Variants in RAB17 observed in about 807,000 individuals in gnomAD.
RAB17 encodes ras-related protein Rab-17.
A neutral mutation model predicts 19.3 loss-of-function variants in RAB17; 15 were observed. That is an observed-to-expected ratio of 0.78 (90% CI 0.52 to 1.20). RAB17 has a LOEUF of 1.20. Among genes scored for constraint, RAB17 ranks in the 50% most tolerant of loss-of-function variants. RAB17 has a pLI of 0.00. For synonymous variants in RAB17, 110 were observed against 112.8 expected, an observed-to-expected ratio of 0.97 and a Z score of 0.16; for missense variants, 262 against 269.3, an observed-to-expected ratio of 0.97 and a Z score of 0.19.
intron 2 of RAB17, among the ~76,000 whole-genome samples, chr2:237,581,762 G>A (rs1195526648): frequency 1.3e-5 from 2 of 152,234 alleles, no homozygotes; most frequent in South Asian, 2.1e-4. Context: ...CGATTTAGAA[G>A]GGAAGTCAGC....
intron 4 of RAB17, chr2:237,576,576 G>C: frequency 2.1e-6 from 1 of 471,112 alleles, no homozygotes. Context: ...TTTCTCTTTG[G>C]GAGGCGCGCC....
intron 4 of RAB17, among the ~76,000 whole-genome samples, chr2:237,576,924 C>G (rs561770772): frequency 6.6e-6 from 1 of 152,162 alleles, no homozygotes; most frequent in Non-Finnish European, 1.5e-5. Flanking sequence ...TTCCCTCTGC[C>G]GGCCACTGGG....
intron 4 of RAB17, among the ~76,000 whole-genome samples, chr2:237,577,016 C>T (rs1208076133): frequency 6.6e-6 from 1 of 151,960 alleles, no homozygotes; most frequent in African/African-American, 2.4e-5. Context: ...AGGTGGAAAG[C>T]TGTGTGTGTG....
In RAB17 at chr2:237,574,443, T is replaced by G. The variant is rs2081244462; in HGVS notation, c.*576A>C. ...GGACAGAAACTCAGCTTCACCACAT[T>G]GCCAGCCGGGAGACCATGGAAGGGA... On this transcript the variant is annotated 3_prime_UTR_variant, in exon 6 of 6. Coordinates refer to ENST00000264601, the MANE Select transcript of RAB17 (RefSeq NM_022449.4). 2 of 1,549,874 alleles carry G rather than the reference T, an allele frequency of 1.3e-6. No individual in the cohort carries two copies. The highest frequency in any genetic ancestry group is 3.9e-5 in the Admixed American group (2 of 50,846).
rs1397813645 is a variant in RAB17, at chr2:237,575,538, C to T, written c.436-58G>A. Reference sequence around the variant, plus strand: ...TTATAAGAGAGTTTCCTAAGGACACCTGGTTCACTTCCAACAGTAAGATCC... The same window carrying T: ...TTATAAGAGAGTTTCCTAAGGACACTTGGTTCACTTCCAACAGTAAGATCC... On this transcript the variant is annotated intron_variant, in intron 4 of 5. Coordinates refer to ENST00000264601, the MANE Select transcript of RAB17 (RefSeq NM_022449.4). 2.4e-6 allele frequency: 3 copies of T among 1,275,108 alleles called. No individual in the cohort carries two copies. In the African/African-American group the frequency reaches 4.4e-5, roughly 19 times the overall value. 79.0% of individuals were successfully genotyped at this position (1,275,108 alleles called of 1,614,324 possible). A position where few individuals can be genotyped will look rare whatever the true frequency, so the allele number is the denominator to read the frequency against.
chr2:237,588,889 A>T (rs2081370770), intron 1 of RAB17, among the ~76,000 whole-genome samples: 1 of 152,220 alleles, frequency 6.6e-6, no homozygotes, highest in African/African-American at 2.4e-5. Context: ...CCGGCGTCTC[A>T]TTCCTTTGAC....
rs1178862753 is a variant in RAB17 at position 237,575,051 on chromosome 2, G to T, written c.607C>A (p.Pro203Thr). 6.2e-7 allele frequency: 1 copy of T among 1,613,322 alleles called. No homozygotes were observed. Among genetic ancestry groups the T allele is most frequent in the Admixed American group, 1.7e-5 (1 of 59,988 alleles). ...GDAAVALNKG[P>T]ARQAKCCAH is the part of the protein sequence containing the mutation. ...GCGCAGCATTTGGCCTGCCTCGCGG[G>T]CCCCTTGTTCAGAGCCACAGCTGCA... The change falls in exon 6 of 6, where the codon CCC (proline) becomes ACC (threonine). Residue 203 changes from proline (P) to threonine (T), a missense_variant. By Grantham distance (38) the Pro-to-Thr change is conservative. Coordinates refer to ENST00000264601, the MANE Select transcript of RAB17 (RefSeq NM_022449.4).
chr2:237,587,069 A>G (rs762229335), intron 1 of RAB17, among the ~76,000 whole-genome samples: 49 of 152,050 alleles, frequency 3.2e-4, no homozygotes, highest in Non-Finnish European at 5.9e-4. Context: ...TATTTTTGAT[A>G]CCGCGGTGGT....
At chr2:237,579,603 T>G (rs983704269) in intron 2 of RAB17, 4 of 152,250 alleles carry the variant, frequency 2.6e-5, no homozygotes, top group African/African-American at 7.2e-5. Flanking sequence ...CTAAGTTCCA[T>G]CTTGTTGGCC....
At chr2:237,581,141 C>T (rs2081305283) in intron 2 of RAB17, among the ~76,000 whole-genome samples, 1 of 152,156 alleles carries the variant, frequency 6.6e-6, no homozygotes, top group African/African-American at 2.4e-5. Context: ...GTAACCCCAG[C>T]ATTTTGGGAG....
intron 1 of RAB17, among the ~76,000 whole-genome samples, chr2:237,589,232 T>G (rs2081373948): frequency 1.6e-5 from 2 of 128,542 alleles, no homozygotes; most frequent in South Asian, 2.5e-4. Context: ...AAAAAAAAGG[T>G]TATTTTACTA....
At position 237,575,074 on chromosome 2, in the gene RAB17, G is replaced by A. The variant is rs199916925; in HGVS notation, c.584C>T (p.Ala195Val). 14 of 1,613,628 alleles carry A rather than the reference G, an allele frequency of 8.7e-6. No homozygotes were observed. The highest frequency in any genetic ancestry group is 1.1e-5 in the Non-Finnish European group (13 of 1,179,890). The change falls in exon 6 of 6, where the codon GCA (alanine) becomes GTA (valine). Residue 195 changes from alanine (A) to valine (V), a missense_variant. Coordinates refer to ENST00000264601, the MANE Select transcript of RAB17 (RefSeq NM_022449.4). The stretch of plus-strand genomic sequence containing the variant: ...GGGCCCCTTGTTCAGAGCCACAGCT[G>A]CATCCCCCCGTAGAGCCTGGCCCTC... ...DEEGQALRGDAAVALNKGPAR... is the reference protein window; with the variant it reads ...DEEGQALRGDVAVALNKGPAR...
In RAB17 at chr2:237,583,911, A is replaced by G. The variant is rs541679000; in HGVS notation, c.157+2087T>C. On this transcript the variant is annotated intron_variant, in intron 2 of 5. Transcript: ENST00000264601. ...CAGAGGACCAGGAGTAGAGTGAGAC[A>G]TACAGGCCTGCCCCCCAAGCAAAGA... Among the ~76,000 whole-genome samples the G allele has an allele frequency of 2.6e-5, 4 of 151,980 alleles. No individual in the cohort carries two copies. In the South Asian group the frequency reaches 8.3e-4, roughly 32 times the overall value.
At chr2:237,579,069 T>C (rs1372569467) in intron 2 of RAB17, 1 of 152,212 alleles carries the variant, frequency 6.6e-6, no homozygotes, top group African/African-American at 2.4e-5. Context: ...TTTTGCCCCA[T>C]TGTGTGTGGC....
At position 237,578,245 on chromosome 2, in the gene RAB17, A is replaced by G. The variant is rs2081282237; in HGVS notation, c.158-90T>C. ...ACCACGGCAAGCCGCAGGCACAGCA[A>G]TGGGCTCAGAGGGACAGCTGGCCAT... On this transcript the variant is annotated intron_variant, in intron 2 of 5. Transcript: ENST00000264601. 12 of 1,351,178 alleles carry G rather than the reference A, an allele frequency of 8.9e-6. No individual in the cohort carries two copies. In the South Asian group the frequency reaches 1.0e-4, roughly 11 times the overall value. The allele number at this position is 1,351,178 out of a possible 1,614,324, so 83.7% of individuals were successfully genotyped here. A position where few individuals can be genotyped will look rare whatever the true frequency, so the allele number is the denominator to read the frequency against.
intron 1 of RAB17, among the ~76,000 whole-genome samples, chr2:237,589,766 T>C (rs894119630): frequency 1.3e-5 from 2 of 152,206 alleles, no homozygotes; most frequent in Non-Finnish European, 2.9e-5. Flanking sequence ...TATTCAAGAC[T>C]GGCGCTTCTC....
rs553276320 is a variant in RAB17 at position 237,580,530 on chromosome 2, C to T, written c.158-2375G>A. On this transcript the variant is annotated intron_variant, in intron 2 of 5. Transcript: ENST00000264601. ...CCGAGGTGGGTAGATCACTTGAGGTCGAGTTCAAGACCAGCCTGACCAACA... is the reference window on the plus strand; with the variant it reads ...CCGAGGTGGGTAGATCACTTGAGGTTGAGTTCAAGACCAGCCTGACCAACA... Among the ~76,000 whole-genome samples the T allele has an allele frequency of 7.0e-4, 107 of 152,040 alleles. 1 individual carries two copies. The highest frequency in any genetic ancestry group is 2.5e-3 in the African/African-American group (104 of 41,458).
rs1381102788 is a variant in RAB17 at position 237,578,939 on chromosome 2, AC to A, written c.158-785del. On this transcript the variant is annotated intron_variant, in intron 2 of 5. Transcript: ENST00000264601. ...CACACACACACACACACACACACAC[AC>A]AACTACTCCCAAGCACTTTAACATA... The A allele has an allele frequency of 8.8e-5, 13 of 148,288 alleles. No homozygotes were observed. In the East Asian group the frequency reaches 1.2e-3, roughly 14 times the overall value. 9.2% of individuals were successfully genotyped at this position (148,288 alleles called of 1,614,324 possible).
rs750428436 is a variant in RAB17, at chr2:237,586,002, CACCGT to C, written c.148_152del (p.Thr50GlyfsTer19). On this transcript the variant is annotated frameshift_variant, in exon 2 of 6. Transcript: ENST00000264601. LOFTEE classifies it high-confidence loss of function. ...GGGTGCTCTGCCCTCACTTACAGCC[CACCGT>C]AGGCAGGATACTCTTGAAGTCGTTC... 1.9e-6 allele frequency: 3 copies of C among 1,604,142 alleles called. No homozygotes were observed. The highest frequency in any genetic ancestry group is 2.6e-6 in the Non-Finnish European group (3 of 1,175,320).
Sources: gnomAD v4.1 joint callset for allele counts (sites outside exome capture counted in the v4.1 genomes callset) on GRCh38, gnomAD v4.1.1 for gene constraint, MANE v1.5 for transcripts, NCBI Gene and HGNC (gene_info 2026-07-23, HGNC 2026-07-21) for gene names.